The following STAP1 variants were observed in gnomAD, a reference collection of about 807,000 sequenced individuals.
STAP1 encodes the protein signal transducing adaptor family member 1, also known as signal-transducing adaptor protein 1.
STAP1 carries 30 observed loss-of-function variants against 37.8 expected under a neutral mutation model. The observed-to-expected ratio is 0.79, with a 90% CI of 0.59 to 1.08. STAP1 has a LOEUF of 1.08. Among genes scored for constraint, STAP1 ranks in the 50% least tolerant of loss-of-function variants. STAP1 has a pLI of 0.00. For missense variants in STAP1, 357 were observed against 349.4 expected, an observed-to-expected ratio of 1.02 and a Z score of -0.17; for synonymous variants, 130 against 116.0, an observed-to-expected ratio of 1.12 and a Z score of -0.78.
intron 8 of STAP1, among the ~76,000 whole-genome samples, chr4:67,601,943 C>T (rs1052647830): frequency 2.0e-5 from 3 of 151,994 alleles, no homozygotes; most frequent in Non-Finnish European, 2.9e-5. Flanking sequence ...ACATTGATAT[C>T]TCTGTCTACC....
intron 1 of STAP1, among the ~76,000 whole-genome samples, chr4:67,563,702 C>T (rs886166764): frequency 2.0e-5 from 3 of 152,160 alleles, no homozygotes; most frequent in African/African-American, 7.2e-5. Context: ...GACCCTGTCT[C>T]TCTAAAACAA....
chr4:67,599,745 G>A (rs959996594), intron 8 of STAP1, among the ~76,000 whole-genome samples: 12 of 151,672 alleles, frequency 7.9e-5, no homozygotes, highest in Admixed American at 2.6e-4. Context: ...GGGTTCAAGC[G>A]ATTCTCCTGC....
At chr4:67,601,054 T>A (rs932610076) in intron 8 of STAP1, among the ~76,000 whole-genome samples, 4 of 152,190 alleles carry the variant, frequency 2.6e-5, no homozygotes, top group Admixed American at 1.3e-4. Flanking sequence ...CCTTCCTACC[T>A]TCTTTCTTGT....
At chr4:67,603,877 G>C (rs892571345) in intron 8 of STAP1, among the ~76,000 whole-genome samples, 1 of 152,080 alleles carries the variant, frequency 6.6e-6, no homozygotes, top group African/African-American at 2.4e-5. Flanking sequence ...ACCCCAGCTG[G>C]TGTCTCACTA....
intron 4 of STAP1, 116 bp downstream of exon 4, chr4:67,577,375 G>A (rs1219150726): frequency 1.2e-6 from 1 of 806,080 alleles, no homozygotes; most frequent in Non-Finnish European, 1.9e-6. Flanking sequence ...GAAAAAGATA[G>A]ACCTAAACTC....
chr4:67,568,857 C>T (rs1727534960), intron 1 of STAP1, among the ~76,000 whole-genome samples: 1 of 152,154 alleles, frequency 6.6e-6, no homozygotes, highest in Non-Finnish European at 1.5e-5. Flanking sequence ...TATGCTGGGC[C>T]CTTCACTGGT....
At chr4:67,588,391 TTTG>T (rs978350953) in intron 6 of STAP1, among the ~76,000 whole-genome samples, 51 of 151,928 alleles carry the variant, frequency 3.4e-4, no homozygotes, top group Middle Eastern at 3.4e-3. Context: ...ATGTCTTTTT[TTTG>T]TTGTTGTTGT....
intron 3 of STAP1, 146 bp downstream of exon 3, chr4:67,575,644 G>A: frequency 1.6e-6 from 1 of 642,428 alleles, no homozygotes; most frequent in Non-Finnish European, 2.6e-6. Flanking sequence ...CCAAGACCTA[G>A]TTTTCTGAAT....
intron 1 of STAP1, among the ~76,000 whole-genome samples, chr4:67,570,246 A>G (rs1002091925): frequency 6.6e-6 from 1 of 152,210 alleles, no homozygotes; most frequent in South Asian, 2.1e-4. Context: ...TTAATCATTA[A>G]CAAGTATTAT....
intron 8 of STAP1, among the ~76,000 whole-genome samples, chr4:67,594,199 G>C (rs1320938240): frequency 6.6e-6 from 1 of 152,130 alleles, no homozygotes; most frequent in Non-Finnish European, 1.5e-5. Flanking sequence ...TTTTTCTACA[G>C]ATTATGGGGG....
At chr4:67,604,197 C>T (rs1206550361) in intron 8 of STAP1, among the ~76,000 whole-genome samples, 1 of 152,230 alleles carries the variant, frequency 6.6e-6, no homozygotes, top group African/African-American at 2.4e-5. Context: ...TACTTCTTTT[C>T]CTAAGCACAC....
chr4:67,577,259 G>T lies in STAP1; in HGVS notation c.363G>T (p.Glu121Asp). The T allele has an allele frequency of 6.2e-7, 1 of 1,604,948 alleles. No individual in the cohort carries two copies. Among genetic ancestry groups the T allele is most frequent in the Non-Finnish European group, 8.5e-7 (1 of 1,176,332 alleles). ...GAGGCTTCATTCTTACAGTAACAGA[G>T]GTAGGAAGCTCACTGCTTTTGATTG... ...EWRGFILTVT[E>D]LSVPQNVSLL... The change falls in exon 4 of 9, where the codon GAG becomes GAT. Residue 121 changes from glutamate to aspartate, a missense_variant and splice_region_variant. Glu to Asp is a conservative substitution (Grantham distance 45, BLOSUM62 2). Coordinates refer to ENST00000265404, the MANE Select transcript of STAP1 (RefSeq NM_012108.4).
intron 8 of STAP1, among the ~76,000 whole-genome samples, chr4:67,604,605 G>C (rs1728411563): frequency 6.6e-6 from 1 of 152,180 alleles, no homozygotes; most frequent in African/African-American, 2.4e-5. Flanking sequence ...GGTTATCTTA[G>C]TGTTGGCATC....
intron 1 of STAP1, among the ~76,000 whole-genome samples, chr4:67,568,764 A>T (rs781084454): frequency 6.6e-6 from 1 of 152,220 alleles, no homozygotes; most frequent in Non-Finnish European, 1.5e-5. Flanking sequence ...GCTATGAGCC[A>T]TGTACTCTGC....
rs1727848214 is a variant in STAP1 at position 67,581,253 on chromosome 4, T to A, written c.364-52T>A. 4 of 1,569,004 alleles carry A rather than the reference T, an allele frequency of 2.5e-6. 1 individual carries two copies. Among genetic ancestry groups the A allele is most frequent in the South Asian group, 2.4e-5 (2 of 83,986 alleles). On this transcript the variant is annotated intron_variant, in intron 4 of 8. Coordinates refer to ENST00000265404, the MANE Select transcript of STAP1 (RefSeq NM_012108.4). ...AGAACAGGGTCGTCTTTACTAAAGT[T>A]ATAAGTTATTAAGCTGTTTTCTTGC... is the stretch of plus-strand genomic sequence containing the variant.
intron 1 of STAP1, among the ~76,000 whole-genome samples, chr4:67,570,250 GTAT>G (rs1727571222): frequency 6.6e-6 from 1 of 152,084 alleles, no homozygotes; most frequent in African/African-American, 2.4e-5. Context: ...TCATTAACAA[GTAT>G]TATTTACTGT....
chr4:67,600,295 G>A (rs554022731), intron 8 of STAP1, among the ~76,000 whole-genome samples: 2 of 152,174 alleles, frequency 1.3e-5, no homozygotes, highest in Admixed American at 1.3e-4. Context: ...TAATTTCCAT[G>A]TGTTTGTATA....
intron 3 of STAP1, among the ~76,000 whole-genome samples, chr4:67,576,095 G>A (rs1445354565): frequency 6.6e-6 from 1 of 152,114 alleles, no homozygotes; most frequent in East Asian, 1.9e-4. Flanking sequence ...TGTGATTATA[G>A]GCAAGTTACT....
intron 8 of STAP1, among the ~76,000 whole-genome samples, chr4:67,598,618 GTTGTT>G (rs1180615955): frequency 6.6e-6 from 1 of 152,144 alleles, no homozygotes; most frequent in East Asian, 1.9e-4. Context: ...CCCATTTTTA[GTTGTT>G]TTATTAGATT....
Sources: gnomAD v4.1 joint callset for allele counts (sites outside exome capture counted in the v4.1 genomes callset) on GRCh38, gnomAD v4.1.1 for gene constraint, MANE v1.5 for transcripts, NCBI Gene and HGNC (gene_info 2026-07-23, HGNC 2026-07-21) for gene names.